MAP3K15: variants seen among roughly 807,000 people sequenced by gnomAD.
MAP3K15 encodes mitogen-activated protein kinase kinase kinase 15, also known as MAPK/ERK kinase kinase 15.
MAP3K15 carries 124 observed loss-of-function variants against 99.5 expected under a neutral mutation model. The ratio of observed to expected loss-of-function variants is 1.25; its 90% CI spans 1.08 to 1.45. The LOEUF is 1.45. MAP3K15 is among the 40% of genes most tolerant of loss of function. The pLI, the probability that MAP3K15 is intolerant of heterozygous loss-of-function variation, is 0.00. For synonymous variants in MAP3K15, 494 were observed against 439.6 expected (o/e 1.12, Z -1.55); for missense variants, 1,242 against 1,079.7 (o/e 1.15, Z -2.11).
rs779859977 is a variant in MAP3K15, at chrX:19,402,775, C to T, written c.1845-2112G>A. 5.4e-5 allele frequency among the ~76,000 whole-genome samples: 6 copies of T among 111,328 alleles called. No individual in the cohort carries two copies. In the South Asian group the frequency reaches 1.9e-3, roughly 35 times the overall value. On this transcript the variant is annotated intron_variant, in intron 13 of 28. Transcript: ENST00000338883. ...GACCTCACAGGCTCAAGCAATCCTC[C>T]CACCTCATCCTCCCAAGTAGCTGGG...
chrX:19,469,747 A>G (rs2064194094), intron 3 of MAP3K15, among the ~76,000 whole-genome samples: 2 of 111,687 alleles, frequency 1.8e-5, no homozygotes, highest in Non-Finnish European at 1.9e-5. Flanking sequence ...GAAGGATATG[A>G]ACAGACACTT....
chrX:19,393,760 C>CTTT (rs761246318), intron 16 of MAP3K15, among the ~76,000 whole-genome samples: 622 of 60,227 alleles, frequency 0.01, 99 homozygotes, highest in African/African-American at 0.043. Flanking sequence ...CTGCCTGGCT[C>CTTT]TTTTTTTTTT....
At chrX:19,490,140 T>TACACACACACACACAC (rs59202439) in intron 1 of MAP3K15, among the ~76,000 whole-genome samples, 2 of 92,469 alleles carry the variant, frequency 2.2e-5, no homozygotes, top group African/African-American at 8.3e-5. Context: ...ATAGGCATTA[T>TACACACACACACACAC]ACACACACAC....
chrX:19,386,862 C>T (rs898956213), intron 18 of MAP3K15, among the ~76,000 whole-genome samples: 4 of 110,821 alleles, frequency 3.6e-5, no homozygotes, highest in African/African-American at 1.3e-4. Flanking sequence ...TGCTGGGCTG[C>T]CTACCCTCTC....
chrX:19,370,965 T>A lies in MAP3K15; in HGVS notation c.3394A>T (p.Ile1132Phe). The A allele has an allele frequency of 8.5e-7, 1 of 1,179,245 alleles. No homozygotes were observed. Among genetic ancestry groups the A allele is most frequent in the Non-Finnish European group, 1.1e-6 (1 of 877,040 alleles). Residue 1132 changes from isoleucine to phenylalanine, a missense_variant, in exon 24 of 29, where the codon ATC (isoleucine) becomes TTC (phenylalanine). By Grantham distance (21) the Ile-to-Phe change is conservative. Coordinates refer to ENST00000338883, the MANE Select transcript of MAP3K15 (RefSeq NM_001001671.4). ...CCACAAAGGGGGCGCTCACCTGGGA[T>A]GAGAATGGTGACCGCGGCCTGCACC... is the stretch of plus-strand genomic sequence containing the variant. Reference protein sequence around the residue: ...RAVQAAVTILIPELRAHFEPT... With the variant: ...RAVQAAVTILFPELRAHFEPT...
intron 19 of MAP3K15, among the ~76,000 whole-genome samples, chrX:19,377,811 C>T (rs774657405): frequency 1.8e-5 from 2 of 112,338 alleles, no homozygotes; most frequent in Non-Finnish European, 3.8e-5. Context: ...GTCCACCGCA[C>T]ACGGTCAAAG....
intron 13 of MAP3K15, among the ~76,000 whole-genome samples, chrX:19,405,388 G>A (rs1279737999): frequency 9.0e-6 from 1 of 111,239 alleles, no homozygotes; most frequent in African/African-American, 3.3e-5. Context: ...ATGAGGAAAC[G>A]ATAAACAAAT....
intron 9 of MAP3K15, among the ~76,000 whole-genome samples, chrX:19,421,106 C>T (rs1173449131): frequency 1.8e-5 from 2 of 110,653 alleles, no homozygotes; most frequent in Non-Finnish European, 3.8e-5. Flanking sequence ...GGAAGCATTC[C>T]CTTTGAAAAC....
chrX:19,381,442 C>A (rs1204572040), intron 18 of MAP3K15, among the ~76,000 whole-genome samples: 1 of 112,354 alleles, frequency 8.9e-6, no homozygotes, highest in Non-Finnish European at 1.9e-5. Flanking sequence ...AGCACCCCTG[C>A]CAGGCTCAGG....
At chrX:19,436,048 G>C (rs1369192295) in intron 6 of MAP3K15, among the ~76,000 whole-genome samples, 2 of 110,229 alleles carry the variant, frequency 1.8e-5, no homozygotes, top group African/African-American at 6.6e-5. Context: ...CAGCTACTCG[G>C]GAGGCTGAGA....
intron 16 of MAP3K15, 121 bp from the exon 17 acceptor site, chrX:19,392,594 T>C (rs1307013887): frequency 3.0e-6 from 2 of 667,511 alleles, no homozygotes; most frequent in Middle Eastern, 3.4e-4. Context: ...CCATCGGATC[T>C]GGGCTAAATG....
At chrX:19,444,672 A>C (rs966914483) in intron 6 of MAP3K15, among the ~76,000 whole-genome samples, 2 of 112,008 alleles carry the variant, frequency 1.8e-5, no homozygotes, top group Non-Finnish European at 3.8e-5. Context: ...AAACTACAAG[A>C]AACTAAAATT....
intron 1 of MAP3K15, among the ~76,000 whole-genome samples, chrX:19,503,371 T>C (rs1376061682): frequency 8.9e-6 from 1 of 112,147 alleles, no homozygotes; most frequent in Non-Finnish European, 1.9e-5. Context: ...CACAGGTCCA[T>C]CTTCCTCTGA....
At chrX:19,486,816 T>G (rs2064329474) in intron 2 of MAP3K15, among the ~76,000 whole-genome samples, 4 of 111,247 alleles carry the variant, frequency 3.6e-5, no homozygotes, top group Admixed American at 1.9e-4. Flanking sequence ...AAAAGATATT[T>G]TGAGCTTCAA....
At chrX:19,514,809 A>C (rs1230659601) in intron 1 of MAP3K15, 92 bp downstream of exon 1, 1 of 69,596 alleles carries the variant, frequency 1.4e-5, no homozygotes. Flanking sequence ...GGGGAGGGGG[A>C]CGGGGGAGAA....
At chrX:19,458,477 G>GAGA (rs752887953) in intron 5 of MAP3K15, among the ~76,000 whole-genome samples, 262 of 111,708 alleles carry the variant, frequency 2.3e-3, no homozygotes, top group Middle Eastern at 4.6e-3. Flanking sequence ...TCAGGAGTTT[G>GAGA]AGATCAGCCT....
chrX:19,411,083 C>T (rs2063683804), intron 11 of MAP3K15, among the ~76,000 whole-genome samples: 1 of 109,565 alleles, frequency 9.1e-6, no homozygotes, highest in African/African-American at 3.3e-5. Context: ...ACTCAGGAGG[C>T]TGAGATGGGA....
At chrX:19,478,306 T>C (rs1357213842) in intron 3 of MAP3K15, among the ~76,000 whole-genome samples, 1 of 101,740 alleles carries the variant, frequency 9.8e-6, no homozygotes, top group African/African-American at 3.6e-5. Context: ...GCTTTCTTGT[T>C]TGAAATTGAG....
intron 25 of MAP3K15, among the ~76,000 whole-genome samples, chrX:19,365,419 T>C (rs1047137813): frequency 2.7e-5 from 3 of 112,049 alleles, no homozygotes; most frequent in South Asian, 3.7e-4. Context: ...TCCACAGCTC[T>C]CCATACTTTG....
Sources: allele counts gnomAD v4.1 joint callset (sites outside exome capture counted in the v4.1 genomes callset), GRCh38; gene constraint gnomAD v4.1.1; transcripts MANE v1.5; gene names NCBI Gene and HGNC (gene_info 2026-07-23, HGNC 2026-07-21).